The following URGCP variants were observed in gnomAD, a reference collection of about 807,000 sequenced individuals.
URGCP encodes the protein up-regulator of cell proliferation.
Under a neutral mutation model 24.6 loss-of-function variants are expected in URGCP, and 13 were observed. That is an observed-to-expected ratio of 0.53 (90% CI 0.34 to 0.84). The LOEUF (loss-of-function observed/expected upper bound fraction) is 0.84. Among genes scored for constraint, URGCP ranks in the 40% least tolerant of loss-of-function variants. The pLI is 0.01. For synonymous variants in URGCP, 444 were observed against 487.2 expected, an observed-to-expected ratio of 0.91 and a Z score of 1.17; for missense variants, 899 against 1,194.3, an observed-to-expected ratio of 0.75 and a Z score of 3.64.
chr7:43,892,076 C>G (rs2095871609), intron 1 of URGCP, among the ~76,000 whole-genome samples: 1 of 152,002 alleles, frequency 6.6e-6, no homozygotes, highest in Non-Finnish European at 1.5e-5. Flanking sequence ...CCACTATTGC[C>G]CAGCCTATTT....
At chr7:43,904,775 C>A (rs1399624089) in intron 1 of URGCP, among the ~76,000 whole-genome samples, 4 of 152,204 alleles carry the variant, frequency 2.6e-5, no homozygotes, top group Admixed American at 1.3e-4. Context: ...CTTACACAAA[C>A]CTACATCGTA....
chr7:43,876,357 G>A lies in URGCP; in HGVS notation c.*310C>T, dbSNP rs1273111262. 2 of 329,972 alleles carry A rather than the reference G, an allele frequency of 6.1e-6. No individual in the cohort carries two copies. Among genetic ancestry groups the A allele is most frequent in the Non-Finnish European group, 1.1e-5 (2 of 178,198 alleles). 20.4% of individuals were successfully genotyped at this position (329,972 alleles called of 1,614,324 possible). A position where few individuals can be genotyped will look rare whatever the true frequency, so the allele number is the denominator to read the frequency against. On this transcript the variant is annotated 3_prime_UTR_variant, in exon 6 of 6. Transcript: ENST00000453200. ...CGCTGCTCCCACTCCAGGGGCCAGTGACAGAGAGCAGCTATACAGAGGGCC... is the reference window on the plus strand; with the variant it reads ...CGCTGCTCCCACTCCAGGGGCCAGTAACAGAGAGCAGCTATACAGAGGGCC...
rs560542667 is a variant in URGCP at position 43,890,293 on chromosome 7, C to G, written c.15-2477G>C. Among the ~76,000 whole-genome samples the G allele has an allele frequency of 5.3e-3, 789 of 149,284 alleles. 2 individuals carry two copies. Among genetic ancestry groups the G allele is most frequent in the African/African-American group, 0.017 (684 of 40,358 alleles). On this transcript the variant is annotated intron_variant, in intron 1 of 5. Coordinates refer to ENST00000453200, the MANE Select transcript of URGCP (RefSeq NM_001077663.3). ...GCAGTGGCGTGATCTCGACTCACTG[C>G]AAGCTCTGCCTCCTGGGTTCACGCC...
At position 43,877,539 on chromosome 7, in the gene URGCP, G is replaced by A. The variant is rs2095846812; in HGVS notation, c.1924C>T (p.Arg642Cys). The stretch of plus-strand genomic sequence containing the variant: ...GCCAAGCCTGGGAAGTGGGCAAAAC[G>A]CCTCTGGCCTGCCGGCAGCCTCCCT... The part of the protein sequence containing the change: ...EAGRLPAGQR[R>C]FAHFPGLASE... Residue 642 changes from arginine to cysteine, a missense_variant, in exon 6 of 6, where the codon CGT (arginine) becomes TGT (cysteine). Transcript: ENST00000453200. The A allele has an allele frequency of 3.1e-6, 5 of 1,613,032 alleles. No homozygotes were observed. Among genetic ancestry groups the A allele is most frequent in the Non-Finnish European group, 4.2e-6 (5 of 1,180,012 alleles).
At chr7:43,897,042 A>G (rs1195654734) in intron 1 of URGCP, among the ~76,000 whole-genome samples, 2 of 152,092 alleles carry the variant, frequency 1.3e-5, no homozygotes, top group Non-Finnish European at 2.9e-5. Flanking sequence ...GATATTGGTA[A>G]TCAACAATAT....
chr7:43,876,726 C>A lies in URGCP; in HGVS notation c.2737G>T (p.Gly913Cys), dbSNP rs775817971. 6.2e-7 allele frequency: 1 copy of A among 1,614,238 alleles called. No individual in the cohort carries two copies. Among genetic ancestry groups the A allele is most frequent in the Admixed American group, 1.7e-5 (1 of 60,034 alleles). Residue 913 changes from glycine to cysteine, a missense_variant, in exon 6 of 6, where the codon GGC becomes TGC. Physicochemically the swap from Gly to Cys is radical, Grantham distance 159. Transcript: ENST00000453200. ...ATGTTTTTGTTTTGGTTCGACAAGC[C>A]GTTCCTGATGTTTTCGAGTAGGCAT... ...KRCLLENIRN[G>C]LSNQNKNIQQ...
At chr7:43,884,658 T>C (rs763009707) in intron 3 of URGCP, among the ~76,000 whole-genome samples, 1 of 152,106 alleles carries the variant, frequency 6.6e-6, no homozygotes, top group Non-Finnish European at 1.5e-5. Context: ...GCAAGACCCC[T>C]GTCTCTACAA....
intron 1 of URGCP, chr7:43,919,491 T>TG (rs2095919680): frequency 1.7e-6 from 2 of 1,153,074 alleles, no homozygotes; most frequent in Non-Finnish European, 2.6e-6. Context: ...TCCCACCCCA[T>TG]GGCTCCACTT....
intron 1 of URGCP, among the ~76,000 whole-genome samples, chr7:43,902,644 C>T (rs1391735366): frequency 1.3e-5 from 2 of 152,182 alleles, no homozygotes; most frequent in East Asian, 3.8e-4. Context: ...ACCGGGTAAG[C>T]GAAGATGCCA....
intron 1 of URGCP, among the ~76,000 whole-genome samples, chr7:43,897,356 A>G (rs946387541): frequency 6.6e-6 from 1 of 152,220 alleles, no homozygotes; most frequent in African/African-American, 2.4e-5. Context: ...GGGCCGTGTT[A>G]GTACTGGTTT....
At chr7:43,881,570 T>C in intron 5 of URGCP, 89 bp downstream of exon 5, 1 of 1,582,612 alleles carries the variant, frequency 6.3e-7, no homozygotes, top group Non-Finnish European at 8.6e-7. Context: ...CCTCCCCAGG[T>C]GATTTGATAC....
At position 43,877,760 on chromosome 7, in the gene URGCP, C is replaced by A; in HGVS notation, c.1703G>T (p.Arg568Met). 1 of 1,604,488 alleles carries A rather than the reference C, an allele frequency of 6.2e-7. No homozygotes were observed. Residue 568 changes from arginine to methionine, a missense_variant, in exon 6 of 6, where the codon AGG becomes ATG. Arg to Met is a moderately conservative substitution (Grantham distance 91). Coordinates refer to ENST00000453200, the MANE Select transcript of URGCP (RefSeq NM_001077663.3). ...PSLSEKQYFL[R>M]WMEWGLARVA... ...CCGTGCCAGGCCCCACTCCATCCAC[C>A]TCAGGAAGTACTGCTTCTCACTCAA... is the stretch of plus-strand genomic sequence containing the variant.
chr7:43,917,596 T>C (rs1343262442), intron 1 of URGCP, among the ~76,000 whole-genome samples: 1 of 152,226 alleles, frequency 6.6e-6, no homozygotes, highest in Non-Finnish European at 1.5e-5. Flanking sequence ...GTGACCTTTA[T>C]CATTTGTTGA....
At chr7:43,901,158 C>T (rs1210303031) in intron 1 of URGCP, among the ~76,000 whole-genome samples, 1 of 152,214 alleles carries the variant, frequency 6.6e-6, no homozygotes, top group African/African-American at 2.4e-5. Flanking sequence ...TAGGGCCTGA[C>T]AGCACACTTG....
intron 3 of URGCP, among the ~76,000 whole-genome samples, chr7:43,884,503 C>G (rs1316584892): frequency 6.6e-6 from 1 of 152,076 alleles, no homozygotes; most frequent in Non-Finnish European, 1.5e-5. Flanking sequence ...TGTTATGAGC[C>G]CATTGTTGGA....
At chr7:43,918,262 CAAA>C (rs757829729) in intron 1 of URGCP, among the ~76,000 whole-genome samples, 1 of 55,224 alleles carries the variant, frequency 1.8e-5, no homozygotes, top group Admixed American at 2.0e-4. Flanking sequence ...CAATAGACCT[CAAA>C]AAAAAAAAAA....
chr7:43,900,022 G>A (rs868469402), intron 1 of URGCP, among the ~76,000 whole-genome samples: 29 of 152,116 alleles, frequency 1.9e-4, no homozygotes, highest in Middle Eastern at 3.2e-3. Flanking sequence ...GCATGCGCCT[G>A]TAGTCCCAGC....
At chr7:43,906,166 G>A (rs946483051) in intron 1 of URGCP, 5 of 152,094 alleles carry the variant, frequency 3.3e-5, no homozygotes, top group Non-Finnish European at 5.9e-5. Flanking sequence ...CCGGAGCGAA[G>A]CATTTCCAGG....
intron 3 of URGCP, among the ~76,000 whole-genome samples, chr7:43,885,596 T>C (rs2095860969): frequency 6.6e-6 from 1 of 152,222 alleles, no homozygotes; most frequent in Non-Finnish European, 1.5e-5. Flanking sequence ...AGGGTGTCTC[T>C]GTGCCTTGGT....
Sources: allele counts gnomAD v4.1 joint callset (sites outside exome capture counted in the v4.1 genomes callset), GRCh38; gene constraint gnomAD v4.1.1; transcripts MANE v1.5; gene names NCBI Gene and HGNC (gene_info 2026-07-23, HGNC 2026-07-21).